The following DIAPH2 variants were observed in gnomAD, a reference collection of about 807,000 sequenced individuals.
The protein encoded by DIAPH2 is protein diaphanous homolog 2.
In DIAPH2, 35 loss-of-function variants were observed where a neutral mutation model predicts 92.7. That is an observed-to-expected ratio of 0.38 (90% CI 0.29 to 0.50). The LOEUF (loss-of-function observed/expected upper bound fraction) is 0.50. Ranked by LOEUF, DIAPH2 falls within the 20% of genes least tolerant of loss-of-function variation. DIAPH2 has a pLI of 0.94. For synonymous variants in DIAPH2, 301 were observed against 280.4 expected, an observed-to-expected ratio of 1.07 and a Z score of -0.73; for missense variants, 701 against 819.5, an observed-to-expected ratio of 0.86 and a Z score of 1.77.
At chrX:96,854,903 G>T (rs2065030390) in intron 4 of DIAPH2, among the ~76,000 whole-genome samples, 1 of 107,957 alleles carries the variant, frequency 9.3e-6, no homozygotes, top group Non-Finnish European at 1.9e-5. Flanking sequence ...ATGGATAAGT[G>T]GGGGGCTACT....
At chrX:97,217,819 G>A (rs1413560194) in intron 22 of DIAPH2, among the ~76,000 whole-genome samples, 1 of 110,046 alleles carries the variant, frequency 9.1e-6, no homozygotes, top group Non-Finnish European at 1.9e-5. Flanking sequence ...GGTGGCAAGC[G>A]CCTGTAGTCC....
chrX:96,894,194 A>G (rs2065327005), intron 5 of DIAPH2, among the ~76,000 whole-genome samples: 1 of 111,012 alleles, frequency 9.0e-6, no homozygotes, highest in African/African-American at 3.3e-5. Flanking sequence ...TATTGAACAT[A>G]TGCAGATTGA....
At chrX:97,402,059 C>T (rs1569386529) in intron 25 of DIAPH2, among the ~76,000 whole-genome samples, 1 of 112,079 alleles carries the variant, frequency 8.9e-6, no homozygotes, top group Non-Finnish European at 1.9e-5. Flanking sequence ...GGGAGGATAC[C>T]CTTGGCATTG....
At chrX:97,157,254 C>T (rs184534060) in intron 22 of DIAPH2, among the ~76,000 whole-genome samples, 2 of 109,659 alleles carry the variant, frequency 1.8e-5, no homozygotes, top group East Asian at 2.9e-4. Flanking sequence ...GCAGAGGTTG[C>T]GGTGAGCCAA....
intron 22 of DIAPH2, among the ~76,000 whole-genome samples, chrX:97,237,683 G>A (rs900025094): frequency 9.1e-6 from 1 of 110,215 alleles, no homozygotes; most frequent in Non-Finnish European, 1.9e-5. Context: ...CCGGGTTCGC[G>A]CCATTCTCTT....
chrX:97,571,268 A>G (rs1445535578), intron 26 of DIAPH2, among the ~76,000 whole-genome samples: 5 of 111,730 alleles, frequency 4.5e-5, no homozygotes, highest in Non-Finnish European at 9.4e-5. Context: ...AAATATTGCA[A>G]ACAGCTGAAT....
At chrX:97,472,034 T>A (rs1314030690) in intron 26 of DIAPH2, among the ~76,000 whole-genome samples, 3 of 112,252 alleles carry the variant, frequency 2.7e-5, no homozygotes, top group Non-Finnish European at 5.6e-5. Context: ...TTCCTTCAGA[T>A]TTTCTTTGGT....
intron 4 of DIAPH2, among the ~76,000 whole-genome samples, chrX:96,816,856 A>C (rs2064739491): frequency 8.9e-6 from 1 of 112,542 alleles, no homozygotes; most frequent in Non-Finnish European, 1.9e-5. Context: ...GCATAAAGAA[A>C]ATGTGGTACA....
intron 22 of DIAPH2, among the ~76,000 whole-genome samples, chrX:97,186,417 T>G (rs890253745): frequency 3.6e-5 from 4 of 111,939 alleles, no homozygotes; most frequent in Admixed American, 9.6e-5. Context: ...CCAGTTCTTA[T>G]GCGTGTTCCT....
At chrX:97,405,540 G>A (rs773298650) in intron 25 of DIAPH2, among the ~76,000 whole-genome samples, 42 of 111,516 alleles carry the variant, frequency 3.8e-4, no homozygotes, top group Non-Finnish European at 6.2e-4. Context: ...TGTAATGTAG[G>A]AACCATTAGA....
intron 26 of DIAPH2, among the ~76,000 whole-genome samples, chrX:97,545,306 A>G (rs953107452): frequency 9.1e-6 from 1 of 110,265 alleles, no homozygotes; most frequent in African/African-American, 3.3e-5. Flanking sequence ...TTTGGGCTAG[A>G]GTTGTCTCTG....
chrX:96,715,391 A>G (rs1181409981), intron 1 of DIAPH2, among the ~76,000 whole-genome samples: 2 of 111,856 alleles, frequency 1.8e-5, no homozygotes, highest in African/African-American at 6.5e-5. Context: ...ACTCAGGGCA[A>G]TAATTATTAA....
intron 4 of DIAPH2, among the ~76,000 whole-genome samples, chrX:96,834,118 A>G (rs1375351117): frequency 8.9e-6 from 1 of 112,032 alleles, no homozygotes; most frequent in Non-Finnish European, 1.9e-5. Flanking sequence ...TTATTGAAAT[A>G]AGCTGCATTT....
chrX:97,322,356 G>T (rs2068905536), intron 23 of DIAPH2, among the ~76,000 whole-genome samples: 1 of 111,816 alleles, frequency 8.9e-6, no homozygotes, highest in Non-Finnish European at 1.9e-5. Context: ...AGTAGAAAAA[G>T]AAATCAAATA....
intron 10 of DIAPH2, 106 bp downstream of exon 10, chrX:96,930,949 T>G (rs1337715131): frequency 9.2e-6 from 8 of 868,463 alleles, no homozygotes; most frequent in Non-Finnish European, 1.2e-5. Context: ...CTATTTTGTT[T>G]TGTAAAGCAT....
chrX:97,191,227 C>G (rs1188595712), intron 22 of DIAPH2, among the ~76,000 whole-genome samples: 2 of 108,535 alleles, frequency 1.8e-5, no homozygotes, highest in East Asian at 5.8e-4. Flanking sequence ...ACTTGGGAGG[C>G]TGAGGCAGGA....
intron 22 of DIAPH2, among the ~76,000 whole-genome samples, chrX:97,181,761 C>G (rs984326852): frequency 8.9e-6 from 1 of 112,237 alleles, no homozygotes; most frequent in Non-Finnish European, 1.9e-5. Flanking sequence ...TCATTCCAGT[C>G]CTAGTTTAGT....
chrX:97,213,319 C>T (rs189550484), intron 22 of DIAPH2, among the ~76,000 whole-genome samples: 9 of 111,696 alleles, frequency 8.1e-5, no homozygotes, highest in Non-Finnish European at 1.5e-4. Flanking sequence ...CTGCTTCTTT[C>T]CTATTTTTTT....
intron 17 of DIAPH2, among the ~76,000 whole-genome samples, chrX:97,050,686 C>A (rs2066514256): frequency 1.8e-5 from 2 of 110,475 alleles, no homozygotes; most frequent in African/African-American, 6.5e-5. Context: ...TAAACTAGAT[C>A]ATTGCCTGAG....
Sources: allele counts gnomAD v4.1 joint callset (sites outside exome capture counted in the v4.1 genomes callset), GRCh38; gene constraint gnomAD v4.1.1; transcripts MANE v1.5; gene names NCBI Gene and HGNC (gene_info 2026-07-23, HGNC 2026-07-21).